TTC28: variants seen among roughly 807,000 people sequenced by gnomAD.
TTC28 encodes the protein tetratricopeptide repeat domain 28, also known as tetratricopeptide repeat protein 28.
In TTC28, 61 loss-of-function variants were observed where a neutral mutation model predicts 198.0. The ratio of observed to expected loss-of-function variants is 0.31; its 90% CI spans 0.25 to 0.38. The LOEUF (loss-of-function observed/expected upper bound fraction) is 0.38, where lower values mean the gene tolerates loss of function less well. TTC28 is among the 10% of genes least tolerant of loss of function. The pLI, the probability that TTC28 is intolerant of heterozygous loss-of-function variation, is 1.00. For synonymous variants in TTC28, 1,171 were observed against 1,297.8 expected (o/e 0.90, Z 2.10); for missense variants, 2,678 against 3,164.0 (o/e 0.85, Z 3.69).
At chr22:28,025,383 G>A (rs1393644674) in intron 13 of TTC28, among the ~76,000 whole-genome samples, 2 of 152,160 alleles carry the variant, frequency 1.3e-5, no homozygotes, top group African/African-American at 4.8e-5. Context: ...TTAACAAAGG[G>A]CAGAGCCAGG....
intron 2 of TTC28, among the ~76,000 whole-genome samples, chr22:28,446,576 A>G (rs1018464130): frequency 6.6e-6 from 1 of 152,196 alleles, no homozygotes; most frequent in East Asian, 1.9e-4. Flanking sequence ...TCATCCCCCC[A>G]TCTTGTTCCC....
chr22:28,588,627 T>C (rs767194196), intron 2 of TTC28, among the ~76,000 whole-genome samples: 5 of 152,230 alleles, frequency 3.3e-5, no homozygotes, highest in African/African-American at 9.6e-5. Flanking sequence ...AACATGAAAG[T>C]AGCAACTTCT....
chr22:28,516,867 C>T (rs695709), intron 2 of TTC28, among the ~76,000 whole-genome samples: 69,664 of 151,988 alleles, frequency 0.46, 16,584 homozygotes, highest in South Asian at 0.53. Context: ...CATATACATA[C>T]GTGAAAACAT....
rs537142487 is a variant in TTC28 at position 28,391,336 on chromosome 22, C to T, written c.382-84693G>A. Among the ~76,000 whole-genome samples, 10 of 152,196 alleles carry T rather than the reference C, an allele frequency of 6.6e-5. No individual in the cohort carries two copies. The South Asian group carries it at 2.1e-3, about 32-fold the overall frequency. On this transcript the variant is annotated intron_variant, in intron 2 of 22. Coordinates refer to ENST00000397906, the MANE Select transcript of TTC28 (RefSeq NM_001145418.2). ...TTATGTGTCTTGGAGTTGCTCTTCT[C>T]GAGGAGTATCTTTGTGGCGTTCTCT...
intron 2 of TTC28, among the ~76,000 whole-genome samples, chr22:28,503,299 C>T (rs2048561241): frequency 1.3e-5 from 2 of 152,160 alleles, no homozygotes; most frequent in Admixed American, 6.5e-5. Flanking sequence ...AGCTGTACTC[C>T]TTTGGACCAC....
chr22:28,480,235 T>C (rs2048225957), intron 2 of TTC28, among the ~76,000 whole-genome samples: 1 of 152,244 alleles, frequency 6.6e-6, no homozygotes, highest in African/African-American at 2.4e-5. Flanking sequence ...GGGAAATTTT[T>C]GCAAACATAT....
chr22:28,539,937 C>CTTTTT (rs34198666), intron 2 of TTC28, among the ~76,000 whole-genome samples: 20 of 84,578 alleles, frequency 2.4e-4, no homozygotes, highest in Non-Finnish European at 3.2e-4. Flanking sequence ...CCTCAGGAAG[C>CTTTTT]TTTTTTTTTT....
chr22:28,079,380 T>C (rs1421302164), intron 12 of TTC28, among the ~76,000 whole-genome samples: 1 of 152,208 alleles, frequency 6.6e-6, no homozygotes, highest in Non-Finnish European at 1.5e-5. Flanking sequence ...AAACATATCA[T>C]AAAATTTATT....
chr22:28,543,413 TGAA>T (rs1204393785), intron 2 of TTC28, among the ~76,000 whole-genome samples: 5 of 125,796 alleles, frequency 4.0e-5, no homozygotes, highest in East Asian at 4.6e-4. Flanking sequence ...AAGATGAAGA[TGAA>T]GAAGAGGGAG....
At chr22:28,338,846 G>A (rs1214557498) in intron 2 of TTC28, among the ~76,000 whole-genome samples, 2 of 152,120 alleles carry the variant, frequency 1.3e-5, no homozygotes, top group Non-Finnish European at 2.9e-5. Context: ...ACTCGTCATT[G>A]ATCATCGTAA....
At chr22:28,433,729 C>T (rs934202346) in intron 2 of TTC28, among the ~76,000 whole-genome samples, 1 of 152,130 alleles carries the variant, frequency 6.6e-6, no homozygotes, top group African/African-American at 2.4e-5. Flanking sequence ...TGTAATTCTA[C>T]CCTTCACATA....
At position 27,981,229 on chromosome 22, in the gene TTC28, AATTTTTTTTTTT is replaced by A. The variant is rs1466372048; in HGVS notation, c.*980_*991del. 51 of 72,728 alleles carry A rather than the reference AATTTTTTTTTTT, an allele frequency of 7.0e-4. 1 individual carries two copies. Among genetic ancestry groups the A allele is most frequent in the African/African-American group, 2.1e-3 (42 of 20,460 alleles). The allele number at this position is 72,728 out of a possible 1,614,324, so 4.5% of individuals were successfully genotyped here. On this transcript the variant is annotated 3_prime_UTR_variant, in exon 23 of 23. Transcript: ENST00000397906. The stretch of plus-strand genomic sequence containing the variant: ...CTGGTTAAATCTAGTTAGCCATGGA[AATTTTTTTTTTT>A]TTTTTTTTTTTTTTTTTTTTTTTTT...
intron 2 of TTC28, among the ~76,000 whole-genome samples, chr22:28,450,353 A>T (rs902108494): frequency 2.2e-4 from 34 of 152,176 alleles, no homozygotes; most frequent in African/African-American, 8.0e-4. Context: ...TTCCTGAGGC[A>T]GCAATTTTTA....
intron 2 of TTC28, among the ~76,000 whole-genome samples, chr22:28,472,293 T>C (rs2048106094): frequency 6.6e-6 from 1 of 152,192 alleles, no homozygotes. Context: ...GCTATTATCT[T>C]TATAAAGCAT....
intron 6 of TTC28, among the ~76,000 whole-genome samples, chr22:28,127,442 C>A (rs939251489): frequency 6.6e-6 from 1 of 152,136 alleles, no homozygotes; most frequent in African/African-American, 2.4e-5. Context: ...CTCCCCTCAA[C>A]AATAAGGAAG....
Position 28,629,711 on chromosome 22 carries a change from G to C in TTC28, c.222C>G (p.Phe74Leu). 1 of 1,551,652 alleles carries C rather than the reference G, an allele frequency of 6.4e-7. No individual in the cohort carries two copies. The highest frequency in any genetic ancestry group is 8.7e-7 in the Non-Finnish European group (1 of 1,146,976). The change falls in exon 2 of 23, where the codon TTC becomes TTG. Residue 74 changes from phenylalanine to leucine, a missense_variant. Physicochemically the swap from Phe to Leu is conservative, Grantham distance 22. Coordinates refer to ENST00000397906, the MANE Select transcript of TTC28 (RefSeq NM_001145418.2). ...QSNQACHDGD[F>L]HTAIVLYNEA... ...CATTATACAGAACAATAGCTGTGTG[G>C]AAATCTCCATCATGACAGGCCTGAT...
intron 6 of TTC28, among the ~76,000 whole-genome samples, chr22:28,127,490 C>T (rs780372961): frequency 3.0e-4 from 46 of 152,002 alleles, no homozygotes; most frequent in Non-Finnish European, 4.0e-4. Flanking sequence ...TAATACTGTC[C>T]AATAACATAG....
intron 5 of TTC28, among the ~76,000 whole-genome samples, chr22:28,279,196 T>C (rs972091155): frequency 1.3e-5 from 2 of 152,204 alleles, no homozygotes; most frequent in African/African-American, 2.4e-5. Flanking sequence ...TTATAACATA[T>C]CTATACATCT....
chr22:28,588,884 C>T (rs188206943), intron 2 of TTC28, among the ~76,000 whole-genome samples: 92 of 152,262 alleles, frequency 6.0e-4, no homozygotes, highest in African/African-American at 2.0e-3. Context: ...CAGGAAACAC[C>T]CCTTCTGCTA....
Sources: gnomAD v4.1 joint callset for allele counts (sites outside exome capture counted in the v4.1 genomes callset) on GRCh38, gnomAD v4.1.1 for gene constraint, MANE v1.5 for transcripts, NCBI Gene and HGNC (gene_info 2026-07-23, HGNC 2026-07-21) for gene names.